The following MCF2L variants were observed in gnomAD, a reference collection of about 807,000 sequenced individuals.
MCF2L encodes guanine nucleotide exchange factor DBS.
A neutral mutation model predicts 153.4 loss-of-function variants in MCF2L; 97 were observed. The observed-to-expected ratio is 0.63, with a 90% CI of 0.54 to 0.75. The LOEUF (loss-of-function observed/expected upper bound fraction) is 0.75. MCF2L is among the 30% of genes least tolerant of loss of function. The pLI is 0.00. For synonymous variants in MCF2L, 659 were observed against 632.2 expected (o/e 1.04, Z -0.64); for missense variants, 1,347 against 1,495.2 (o/e 0.90, Z 1.64).
intron 1 of MCF2L, among the ~76,000 whole-genome samples, chr13:112,973,577 G>A (rs1412196512): frequency 2.0e-5 from 3 of 152,204 alleles, no homozygotes; most frequent in Non-Finnish European, 4.4e-5. Flanking sequence ...CTTCCCAAGA[G>A]CTCCTGAGAA....
intron 15 of MCF2L, among the ~76,000 whole-genome samples, chr13:113,080,585 C>T (rs2034030590): frequency 6.6e-6 from 1 of 152,248 alleles, no homozygotes; most frequent in Non-Finnish European, 1.5e-5. Context: ...AAGGTGCTCA[C>T]ACCCACAGCA....
At chr13:113,093,264 G>A (rs996359451) in intron 26 of MCF2L, among the ~76,000 whole-genome samples, 2 of 152,232 alleles carry the variant, frequency 1.3e-5, no homozygotes, top group Admixed American at 6.5e-5. Context: ...GTCTGCAACC[G>A]GAAAATCACA....
intron 18 of MCF2L, chr13:113,084,679 GC>G (rs2034463794): frequency 1.7e-6 from 1 of 585,974 alleles, no homozygotes; most frequent in Admixed American, 3.1e-5. Flanking sequence ...GGGACAGGGA[GC>G]CCCATTAATG....
intron 13 of MCF2L, 39 bp from the exon 14 acceptor site, chr13:113,078,323 CA>C (rs1416353127): frequency 4.0e-6 from 6 of 1,509,534 alleles, no homozygotes; most frequent in Non-Finnish European, 5.5e-6. Context: ...TCCAGAGGGT[CA>C]GAGGGGACTT....
In MCF2L at chr13:113,031,587, G is replaced by C. The variant is rs533323904; in HGVS notation, c.278+6829G>C. Among the ~76,000 whole-genome samples the C allele has an allele frequency of 6.6e-6, 1 of 152,074 alleles. No individual in the cohort carries two copies. Among genetic ancestry groups the C allele is most frequent in the Non-Finnish European group, 1.5e-5 (1 of 68,000 alleles). ...AGAATGCAGGGTGGAGGGAGAATGC[G>C]GGGTGGAGGGAGGAGCTGGGAGATG... On this transcript the variant is annotated intron_variant, in intron 3 of 29. Coordinates refer to ENST00000535094, the MANE Select transcript of MCF2L (RefSeq NM_001112732.3). The surrounding 1 kb of genome is among the most constrained non-coding windows in gnomAD (Gnocchi z 5.5).
At chr13:112,977,285 A>G (rs892424749) in intron 1 of MCF2L, among the ~76,000 whole-genome samples, 3 of 152,164 alleles carry the variant, frequency 2.0e-5, no homozygotes, top group Non-Finnish European at 2.9e-5. Context: ...CAGGGGCCCA[A>G]CCATTCTCGA....
chr13:112,986,827 C>T lies in MCF2L; in HGVS notation c.79+17369C>T, dbSNP rs547292246. Among the ~76,000 whole-genome samples, 24 of 152,348 alleles carry T rather than the reference C, an allele frequency of 1.6e-4. No individual in the cohort carries two copies. In the South Asian group the frequency reaches 4.4e-3, roughly 28 times the overall value. On this transcript the variant is annotated intron_variant, in intron 1 of 29. Coordinates refer to ENST00000535094, the MANE Select transcript of MCF2L (RefSeq NM_001112732.3). ...GCCTCACAGACCGTGGGGGCTCCCC[C>T]AACAGTGGCGCGTACGCTGCACTCT... is the stretch of plus-strand genomic sequence containing the variant.
chr13:112,929,033 C>T (rs988701667), intron 2 of MCF2L, among the ~76,000 whole-genome samples: 3 of 152,208 alleles, frequency 2.0e-5, no homozygotes, highest in Admixed American at 6.5e-5. Flanking sequence ...AGCTACTCAG[C>T]GTGCAGATGA....
chr13:112,996,675 C>G (rs1343660655), intron 1 of MCF2L, among the ~76,000 whole-genome samples: 2 of 152,314 alleles, frequency 1.3e-5, no homozygotes, highest in Non-Finnish European at 2.9e-5. Context: ...TGGATGCGCC[C>G]GATGGTCCCG....
intron 1 of MCF2L, among the ~76,000 whole-genome samples, chr13:112,987,336 C>T (rs1410789963): frequency 9.6e-5 from 3 of 31,262 alleles, no homozygotes; most frequent in Admixed American, 2.9e-4. Flanking sequence ...GCCCAGGGCT[C>T]GTTGTCTGCC....
chr13:113,028,065 T>G lies in MCF2L; in HGVS notation c.278+3307T>G, dbSNP rs544833060. Among the ~76,000 whole-genome samples, 1 of 152,324 alleles carries G rather than the reference T, an allele frequency of 6.6e-6. No homozygotes were observed. The highest frequency in any genetic ancestry group is 6.5e-5 in the Admixed American group (1 of 15,308). On this transcript the variant is annotated intron_variant, in intron 3 of 29. Coordinates refer to ENST00000535094, the MANE Select transcript of MCF2L (RefSeq NM_001112732.3). The surrounding 1 kb of genome is among the most constrained non-coding windows in gnomAD (Gnocchi z 5.4). Reference sequence around the variant, plus strand: ...TGTGGTGTCCACACTGAATGCTGACTGGTCAGACTCATGCTCAGAAATCAG... The same window carrying G: ...TGTGGTGTCCACACTGAATGCTGACGGGTCAGACTCATGCTCAGAAATCAG...
At chr13:113,014,647 G>A (rs2084391041) in intron 1 of MCF2L, 116 bp from the exon 2 acceptor site, 2 of 749,432 alleles carry the variant, frequency 2.7e-6, no homozygotes, top group African/African-American at 1.7e-5. Context: ...CCAGCCACGT[G>A]ACGCCACTCC....
rs1235412556 is a variant in MCF2L, at chr13:113,096,468, G to A, written c.3173G>A (p.Gly1058Asp). The change falls in exon 28 of 30, where the codon GGC (glycine) becomes GAC (aspartate). Residue 1058 changes from glycine to aspartate, a missense_variant. By Grantham distance (94) the Gly-to-Asp change is moderately conservative (BLOSUM62 -1). Transcript: ENST00000535094. Reference sequence around the variant, plus strand: ...GACGTGGTGGAGCTGGTGCAGGAGGGCGACGAGGGCCTCTGGTAAGACCCC... The same window carrying A: ...GACGTGGTGGAGCTGGTGCAGGAGGACGACGAGGGCCTCTGGTAAGACCCC... ...SGDVVELVQE[G>D]DEGLWYVRDP... 1 of 1,588,964 alleles carries A rather than the reference G, an allele frequency of 6.3e-7. No individual in the cohort carries two copies. The highest frequency in any genetic ancestry group is 1.1e-5 in the South Asian group (1 of 87,100).
intron 2 of MCF2L, among the ~76,000 whole-genome samples, chr13:112,931,490 C>T (rs182772098): frequency 2.6e-5 from 4 of 152,120 alleles, no homozygotes; most frequent in Non-Finnish European, 5.9e-5. Context: ...AGGTGTGCGG[C>T]GTCAGTGTGA....
At position 112,951,257 on chromosome 13, in the gene MCF2L, A is replaced by G. The variant is rs1464545368; in HGVS notation, c.169+48886A>G. 6.6e-6 allele frequency among the ~76,000 whole-genome samples: 1 copy of G among 152,226 alleles called. No individual in the cohort carries two copies. The highest frequency in any genetic ancestry group is 1.5e-5 in the Non-Finnish European group (1 of 68,034). On this transcript the variant is annotated intron_variant, in intron 2 of 29. Coordinates refer to the MCF2L transcript ENST00000375608. The surrounding 1 kb of genome is among the most constrained non-coding windows in gnomAD (Gnocchi z 4.8). ...GGTTACTCCTAAGTTGCTGGTGGGA[A>G]TGTAAAATAGTATAGCCACTTTGGA...
intron 20 of MCF2L, 38 bp from the exon 21 acceptor site, chr13:113,086,086 C>T (rs754169726): frequency 5.1e-6 from 8 of 1,581,894 alleles, no homozygotes; most frequent in African/African-American, 4.1e-5. Flanking sequence ...CAGGGCTCTC[C>T]GTGTCCCGAC....
At chr13:112,936,866 G>C (rs974136122) in intron 2 of MCF2L, among the ~76,000 whole-genome samples, 1 of 152,018 alleles carries the variant, frequency 6.6e-6, no homozygotes, top group Non-Finnish European at 1.5e-5. Flanking sequence ...TGTAAATGCC[G>C]TGAAATAGTT....
At chr13:113,072,601 G>A (rs2033030901) in intron 9 of MCF2L, among the ~76,000 whole-genome samples, 1 of 152,184 alleles carries the variant, frequency 6.6e-6, no homozygotes, top group Non-Finnish European at 1.5e-5. Context: ...GTTTCACAAT[G>A]AGATATAGTA....
intron 2 of MCF2L, among the ~76,000 whole-genome samples, chr13:112,950,341 A>T (rs189870335): frequency 4.6e-5 from 7 of 152,380 alleles, no homozygotes; most frequent in African/African-American, 1.4e-4. Flanking sequence ...CAGAATTCTT[A>T]TCAAAATCCC....
Sources: gnomAD v4.1 joint callset for allele counts (sites outside exome capture counted in the v4.1 genomes callset) on GRCh38, gnomAD v4.1.1 for gene constraint, Gnocchi (gnomAD v3.1) non-coding constraint, MANE v1.5 for transcripts, NCBI Gene and HGNC (gene_info 2026-07-23, HGNC 2026-07-21) for gene names.